The following TOP2A variants were observed in gnomAD, a reference collection of about 807,000 sequenced individuals.
TOP2A encodes the protein DNA topoisomerase II alpha, also known as DNA topoisomerase 2-alpha.
A neutral mutation model predicts 187.2 loss-of-function variants in TOP2A; 68 were observed. That is an observed-to-expected ratio of 0.36 (90% CI 0.30 to 0.44). TOP2A has a LOEUF of 0.44. Among genes scored for constraint, TOP2A ranks in the 20% least tolerant of loss-of-function variants. The pLI is 1.00. For synonymous variants in TOP2A, 542 were observed against 593.2 expected (o/e 0.91, Z 1.25); for missense variants, 1,196 against 1,808.7 (o/e 0.66, Z 6.14).
intron 32 of TOP2A, 144 bp from the exon 33 acceptor site, chr17:40,391,784 GT>G: frequency 3.9e-6 from 4 of 1,022,122 alleles, no homozygotes; most frequent in Non-Finnish European, 5.4e-6. Flanking sequence ...TTAAAACTTT[GT>G]TCTAATTTCT....
In TOP2A at chr17:40,396,466, C is replaced by CTACA; in HGVS notation, c.3538-5_3538-2dup. The CTACA allele has an allele frequency of 6.2e-7, 1 of 1,613,008 alleles. No homozygotes were observed. The highest frequency in any genetic ancestry group is 1.7e-5 in the Admixed American group (1 of 59,852). On this transcript the variant is annotated splice_acceptor_variant, in intron 27 of 34. Transcript: ENST00000423485. LOFTEE classifies it high-confidence loss of function. ...CTTGTTTTTCCTTGGCTTCAACAGC[C>CTACA]TACAGAAGGGATATAAGAAAGCAAG...
intron 4 of TOP2A, among the ~76,000 whole-genome samples, chr17:40,415,804 A>G (rs2035383083): frequency 6.6e-6 from 1 of 152,268 alleles, no homozygotes; most frequent in Non-Finnish European, 1.5e-5. Flanking sequence ...CTAATTAAAA[A>G]AAAGATGGAG....
intron 16 of TOP2A, among the ~76,000 whole-genome samples, chr17:40,405,461 T>TTG (rs1005066847): frequency 2.0e-5 from 3 of 148,062 alleles, no homozygotes; most frequent in Non-Finnish European, 3.0e-5. Context: ...TTTTTTGTTT[T>TTG]TTTTTTTTTT....
At chr17:40,399,263 C>A in intron 24 of TOP2A, 132 bp from the exon 25 acceptor site, 1 of 674,022 alleles carries the variant, frequency 1.5e-6, no homozygotes, top group Non-Finnish European at 2.5e-6. Flanking sequence ...TTGTATATCC[C>A]GGTATACAGG....
At chr17:40,413,108 T>C (rs2035343915) in intron 6 of TOP2A, 87 bp downstream of exon 6, 1 of 1,303,292 alleles carries the variant, frequency 7.7e-7, no homozygotes, top group Non-Finnish European at 1.1e-6. Flanking sequence ...TTATAAATTA[T>C]GTTAAATTAA....
rs2143649252 is a variant in TOP2A at position 40,400,935 on chromosome 17, C to T, written c.2579G>A (p.Trp860Ter). 1.2e-6 allele frequency: 2 copies of T among 1,613,916 alleles called. No individual in the cohort carries two copies. The highest frequency in any genetic ancestry group is 1.7e-6 in the Non-Finnish European group (2 of 1,179,868). The change falls in exon 21 of 35, where the codon TGG becomes TAG. Residue 860 changes from tryptophan (W) to a stop codon, truncating the protein, a stop_gained. Transcript: ENST00000423485. LOFTEE classifies it high-confidence loss of function. The stretch of plus-strand genomic sequence containing the variant: ...ATCAAAGTTGGGGATTTTGCAGGAC[C>T]ACCCAGTACCGATTCCTTCAGCACC... ...INGAEGIGTG[W>*]SCKIPNFDVR...
Position 40,395,548 on chromosome 17 carries a change from T to C in TOP2A, c.3721-9A>G. On this transcript the variant is annotated splice_polypyrimidine_tract_variant and intron_variant, in intron 28 of 34. Transcript: ENST00000423485. ...CCTTCAGTATTTTCATTCTAAAAGA[T>C]AGCAAAGTTAGGGTTGGATATAGAA... is the stretch of plus-strand genomic sequence containing the variant. 5 of 1,567,780 alleles carry C rather than the reference T, an allele frequency of 3.2e-6. No homozygotes were observed. The highest frequency in any genetic ancestry group is 2.2e-5 in the East Asian group (1 of 44,546).
rs754992287 is a variant in TOP2A, at chr17:40,404,465, T to C, written c.2073A>G (p.Thr691=). 6.2e-7 allele frequency: 1 copy of C among 1,608,752 alleles called. No homozygotes were observed. The highest frequency in any genetic ancestry group is 8.5e-7 in the Non-Finnish European group (1 of 1,175,858). The change falls in exon 18 of 35, where the codon ACA becomes ACG. Residue 691 remains threonine (T), a synonymous_variant. Coordinates refer to ENST00000423485, the MANE Select transcript of TOP2A (RefSeq NM_001067.4). ...PEDYLYGQTT[T]YLTYNDFINK... The stretch of plus-strand genomic sequence containing the variant: ...TGATGAAGTCATTATATGTCAGATA[T>C]GTGGTAGTTTGTCCATACAAGTAAT...
At chr17:40,394,305 T>C (rs1181077892) in intron 29 of TOP2A, among the ~76,000 whole-genome samples, 2 of 152,156 alleles carry the variant, frequency 1.3e-5, no homozygotes, top group African/African-American at 2.4e-5. Flanking sequence ...TTAAAACTGT[T>C]TGTCTATACT....
chr17:40,401,032 A>G lies in TOP2A; in HGVS notation c.2482T>C (p.Phe828Leu). ...FPPKDDHTLK[F>L]LYDDNQRVEP... ...ACACGCTGGTTGTCATCATATAAAAACTTCAACGTGTGATCATCTTTTGGT... is the reference window on the plus strand; with the variant it reads ...ACACGCTGGTTGTCATCATATAAAAGCTTCAACGTGTGATCATCTTTTGGT... The change falls in exon 21 of 35, where the codon TTT becomes CTT. Residue 828 changes from phenylalanine (F) to leucine (L), a missense_variant. Transcript: ENST00000423485. 6.2e-7 allele frequency: 1 copy of G among 1,613,970 alleles called. No individual in the cohort carries two copies. Among genetic ancestry groups the G allele is most frequent in the Non-Finnish European group, 8.5e-7 (1 of 1,179,884 alleles).
chr17:40,415,244 C>T lies in TOP2A; in HGVS notation c.332+761G>A, dbSNP rs146740074. Reference sequence around the variant, plus strand: ...TAATTTTTTGTATTTTTAGTGGAGACAGGGTTTCACCGTGTTAGCCAGGAT... The same window carrying T: ...TAATTTTTTGTATTTTTAGTGGAGATAGGGTTTCACCGTGTTAGCCAGGAT... On this transcript the variant is annotated intron_variant, in intron 4 of 34. Coordinates refer to ENST00000423485, the MANE Select transcript of TOP2A (RefSeq NM_001067.4). Among the ~76,000 whole-genome samples the T allele has an allele frequency of 3.7e-3, 559 of 152,076 alleles. 4 individuals carry two copies. The highest frequency in any genetic ancestry group is 0.013 in the African/African-American group (546 of 41,472).
At position 40,408,042 on chromosome 17, in the gene TOP2A, C is replaced by T. The variant is rs1371065118; in HGVS notation, c.1425G>A (p.Val475=). The change falls in exon 12 of 35, where the codon GTG becomes GTA. Residue 475 remains valine, a synonymous_variant. Transcript: ENST00000423485. The part of the protein sequence containing the change: ...AKTLAVSGLG[V]VGRDKYGVFP... ...AAACCCCATATTTGTCTCTCCCAAC[C>T]ACACCAAGGCCTGAAACAGCCAAAG... is the stretch of plus-strand genomic sequence containing the variant. 1.2e-6 allele frequency: 2 copies of T among 1,613,688 alleles called. No homozygotes were observed. Among genetic ancestry groups the T allele is most frequent in the Non-Finnish European group, 8.5e-7 (1 of 1,179,706 alleles).
rs1201549934 is a variant in TOP2A at position 40,396,229 on chromosome 17, C to T, written c.3720+54G>A. On this transcript the variant is annotated intron_variant, in intron 28 of 34. Coordinates refer to ENST00000423485, the MANE Select transcript of TOP2A (RefSeq NM_001067.4). The stretch of plus-strand genomic sequence containing the variant: ...CCACTGACCTCAAGTGATCCACCCA[C>T]CTTGGCCCCCAAAGTGCTGGGATTA... 7.1e-6 allele frequency: 7 copies of T among 990,662 alleles called. No homozygotes were observed. The African/African-American group carries it at 8.1e-5, about 11-fold the overall frequency. The allele number at this position is 990,662 out of a possible 1,614,324, so 61.4% of individuals were successfully genotyped here. A position where few individuals can be genotyped will look rare whatever the true frequency, so the allele number is the denominator to read the frequency against.
Position 40,414,567 on chromosome 17 carries a change from G to T in TOP2A, c.333-942C>A, listed in dbSNP as rs562952357. Among the ~76,000 whole-genome samples, 11 of 152,186 alleles carry T rather than the reference G, an allele frequency of 7.2e-5. No homozygotes were observed. In the South Asian group the frequency reaches 1.5e-3, roughly 20 times the overall value. ...TCAACAAAGTACATAAAAACAGGCT[G>T]GGCGCAGTGGCTCACGCCTGTAATC... On this transcript the variant is annotated intron_variant, in intron 4 of 34. Coordinates refer to ENST00000423485, the MANE Select transcript of TOP2A (RefSeq NM_001067.4).
chr17:40,401,262 T>C (rs2098782679), intron 20 of TOP2A, among the ~76,000 whole-genome samples, 181 bp from the exon 21 acceptor site: 5 of 152,184 alleles, frequency 3.3e-5, no homozygotes, highest in Admixed American at 3.3e-4. Flanking sequence ...AAAGTCTCAA[T>C]CCTCAAGGAG....
At position 40,411,614 on chromosome 17, in the gene TOP2A, A is replaced by T; in HGVS notation, c.963+31T>A. 1.3e-6 allele frequency: 2 copies of T among 1,593,968 alleles called. No homozygotes were observed. Among genetic ancestry groups the T allele is most frequent in the Non-Finnish European group, 1.7e-6 (2 of 1,168,730 alleles). The stretch of plus-strand genomic sequence containing the variant: ...TAAGAACACATATATGTAAAGATAA[A>T]TCATGATTAATAATTTAAGAATAAA... On this transcript the variant is annotated intron_variant, in intron 8 of 34. Coordinates refer to ENST00000423485, the MANE Select transcript of TOP2A (RefSeq NM_001067.4). The surrounding 1 kb of genome is among the most constrained non-coding windows in gnomAD (Gnocchi z 4.4).
Position 40,392,205 on chromosome 17 carries a change from A to G in TOP2A, c.4088+13T>C. On this transcript the variant is annotated intron_variant, in intron 31 of 34. Coordinates refer to ENST00000423485, the MANE Select transcript of TOP2A (RefSeq NM_001067.4). ...ACAATCATGACAAAACCCATATTAGATAAGATACTTGCTTTGGGGAAGTTT... is the reference window on the plus strand; with the variant it reads ...ACAATCATGACAAAACCCATATTAGGTAAGATACTTGCTTTGGGGAAGTTT... The G allele has an allele frequency of 1.9e-6, 3 of 1,613,188 alleles. No homozygotes were observed. The highest frequency in any genetic ancestry group is 2.5e-6 in the Non-Finnish European group (3 of 1,179,604).
At position 40,392,328 on chromosome 17, in the gene TOP2A, G is replaced by T; in HGVS notation, c.3978C>A (p.Phe1326Leu). 1 of 1,589,370 alleles carries T rather than the reference G, an allele frequency of 6.3e-7. No individual in the cohort carries two copies. Among genetic ancestry groups the T allele is most frequent in the Non-Finnish European group, 8.6e-7 (1 of 1,167,058 alleles). Residue 1326 changes from phenylalanine to leucine, a missense_variant, in exon 31 of 35, where the codon TTC (phenylalanine) becomes TTA (leucine). Coordinates refer to ENST00000423485, the MANE Select transcript of TOP2A (RefSeq NM_001067.4). ...EPRRAATKTK[F>L]TMDLDSDEDF... The stretch of plus-strand genomic sequence containing the variant: ...CTTCATCTGAATCCAAATCCATTGT[G>T]AATTTTGTTTTTGCTAGTAAAAAAA...
In TOP2A at chr17:40,392,714, T is replaced by C. The variant is rs1383914239; in HGVS notation, c.3835A>G (p.Thr1279Ala). The C allele has an allele frequency of 1.2e-6, 2 of 1,611,592 alleles. No individual in the cohort carries two copies. Among genetic ancestry groups the C allele is most frequent in the African/African-American group, 1.3e-5 (1 of 74,902 alleles). ...EPGTKTKKQT[T>A]LAFKPIKKGK... ...TTTTTGATTGGCTTAAATGCCAATG[T>C]AGTTTGTTTCTTTGTCTTTGTACCT... Residue 1279 changes from threonine (T) to alanine (A), a missense_variant, in exon 30 of 35, where the codon ACA (threonine) becomes GCA (alanine). Physicochemically the swap from Thr to Ala is moderately conservative, Grantham distance 58 (BLOSUM62 0). This residue lies in a region of TOP2A where 374 missense variants were observed against 403.3 expected (regional missense o/e 0.93). Coordinates refer to ENST00000423485, the MANE Select transcript of TOP2A (RefSeq NM_001067.4).
Sources: allele counts gnomAD v4.1 joint callset (sites outside exome capture counted in the v4.1 genomes callset), GRCh38; gene constraint gnomAD v4.1.1; regional missense constraint gnomAD v4.1.1; non-coding constraint Gnocchi (gnomAD v3.1); transcripts MANE v1.5; gene names NCBI Gene and HGNC (gene_info 2026-07-23, HGNC 2026-07-21).